ENO3: variants seen among roughly 807,000 people sequenced by gnomAD.
The protein encoded by ENO3 is enolase 3.
Under a neutral mutation model 47.7 loss-of-function variants are expected in ENO3, and 46 were observed. The observed-to-expected ratio is 0.96, with a 90% CI of 0.76 to 1.23. ENO3 has a LOEUF of 1.23. ENO3 is among the 50% of genes most tolerant of loss of function. ENO3 has a pLI of 0.00. For synonymous variants in ENO3, 223 were observed against 225.9 expected (o/e 0.99, Z 0.11); for missense variants, 575 against 566.2 (o/e 1.02, Z -0.16).
chr17:4,951,213 A>AG, intron 1 of ENO3, 31 bp downstream of exon 1: 1 of 991,392 alleles, frequency 1.0e-6, no homozygotes, highest in Middle Eastern at 5.2e-4. Flanking sequence ...CTGGGGGTGG[A>AG]GGTAGTAAAG....
At position 4,953,707 on chromosome 17, in the gene ENO3, T is replaced by C; in HGVS notation, c.311-5T>C. Reference sequence around the variant, plus strand: ...CATCCTTTCTTCCCGCTTGCCTCCTTCCAGCCAAGTTTGGGGCCAATGCCA... The same window carrying C: ...CATCCTTTCTTCCCGCTTGCCTCCTCCCAGCCAAGTTTGGGGCCAATGCCA... On this transcript the variant is annotated splice_region_variant and splice_polypyrimidine_tract_variant and intron_variant, in intron 5 of 11. Transcript: ENST00000519602. 6.2e-7 allele frequency: 1 copy of C among 1,614,220 alleles called. No homozygotes were observed. The highest frequency in any genetic ancestry group is 8.5e-7 in the Non-Finnish European group (1 of 1,180,032).
In ENO3 at chr17:4,952,866, G is replaced by A; in HGVS notation, c.157G>A (p.Asp53Asn). 6.2e-7 allele frequency: 1 copy of A among 1,612,566 alleles called. No individual in the cohort carries two copies. Among genetic ancestry groups the A allele is most frequent in the African/African-American group, 1.3e-5 (1 of 75,032 alleles). The change falls in exon 3 of 12, where the codon GAC becomes AAC. Residue 53 changes from aspartate to asparagine, a missense_variant. Physicochemically the swap from Asp to Asn is conservative, Grantham distance 23 (BLOSUM62 1). Coordinates refer to ENST00000519602, the MANE Select transcript of ENO3 (RefSeq NM_053013.4). Reference protein sequence around the residue: ...IYEALELRDGDKGRYLGKGVL... With the variant: ...IYEALELRDGNKGRYLGKGVL... ...TGAGGCTCTGGAACTAAGAGACGGA[G>A]ACAAAGGCCGCTACCTGGGGAAAGG...
chr17:4,956,007 G>A lies in ENO3; in HGVS notation c.931G>A (p.Val311Met), dbSNP rs1233977786. The change falls in exon 9 of 12, where the codon GTG (valine) becomes ATG (methionine). Residue 311 changes from valine to methionine, a missense_variant. Coordinates refer to ENST00000519602, the MANE Select transcript of ENO3 (RefSeq NM_053013.4). Reference sequence around the variant, plus strand: ...CACTTGGACCTCCTTCCTCTCGGGGGTGAACATCCAGATTGTGGGGGATGA... The same window carrying A: ...CACTTGGACCTCCTTCCTCTCGGGGATGAACATCCAGATTGTGGGGGATGA... ...WATWTSFLSG[V>M]NIQIVGDDLT... is the part of the protein sequence containing the mutation. 3 of 1,614,012 alleles carry A rather than the reference G, an allele frequency of 1.9e-6. No individual in the cohort carries two copies. The highest frequency in any genetic ancestry group is 1.7e-6 in the Non-Finnish European group (2 of 1,180,000).
chr17:4,955,379 C>G, intron 7 of ENO3, 28 bp from the exon 8 acceptor site: 2 of 1,614,246 alleles, frequency 1.2e-6, no homozygotes, highest in Non-Finnish European at 1.7e-6. Flanking sequence ...GCACTGGAGT[C>G]TCAGGTCCTT....
chr17:4,951,439 T>C (rs1314844240), intron 1 of ENO3, among the ~76,000 whole-genome samples: 3 of 151,966 alleles, frequency 2.0e-5, no homozygotes, highest in South Asian at 2.1e-4. Flanking sequence ...TGATAGGGAA[T>C]TGGGGGCCCA....
At chr17:4,953,674 G>A (rs1033471122) in intron 5 of ENO3, 38 bp from the exon 6 acceptor site, 1 of 1,614,220 alleles carries the variant, frequency 6.2e-7, no homozygotes, top group Non-Finnish European at 8.5e-7. Flanking sequence ...AAACCCTGCA[G>A]AAGCTCTCAT....
intron 6 of ENO3, chr17:4,954,139 T>C (rs1166859259): frequency 2.0e-6 from 1 of 496,720 alleles, no homozygotes; most frequent in Non-Finnish European, 3.6e-6. Flanking sequence ...CCAAATCATA[T>C]TGAGAGTTTC....
chr17:4,949,984 A>G (rs1401280931), upstream of ENO3, among the ~76,000 whole-genome samples: 1 of 144,278 alleles, frequency 6.9e-6, no homozygotes, highest in Non-Finnish European at 1.5e-5. Context: ...GCGGCCTGAG[A>G]TGAGGGGGCG....
chr17:4,952,960 G>A, intron 3 of ENO3, 70 bp downstream of exon 3: 2 of 1,610,688 alleles, frequency 1.2e-6, no homozygotes, highest in Non-Finnish European at 8.5e-7. Context: ...ATGGGTAGAG[G>A]ACTGGAACCC....
At chr17:4,949,643 C>G (rs1315184876), upstream of ENO3, among the ~76,000 whole-genome samples, 1 of 152,052 alleles carries the variant, frequency 6.6e-6, no homozygotes, top group Admixed American at 6.5e-5. Flanking sequence ...CGTGCGGCGG[C>G]CGCGGTGAAA....
Position 4,951,833 on chromosome 17 carries a change from G to C in ENO3, c.4G>C (p.Ala2Pro). 1 of 1,614,094 alleles carries C rather than the reference G, an allele frequency of 6.2e-7. No homozygotes were observed. Among genetic ancestry groups the C allele is most frequent in the South Asian group, 1.1e-5 (1 of 91,088 alleles). Reference sequence around the variant, plus strand: ...TCACACCTCCTGTCCTGCAGCCATGGCCATGCAGAAAATCTTTGCCCGGGA... The same window carrying C: ...TCACACCTCCTGTCCTGCAGCCATGCCCATGCAGAAAATCTTTGCCCGGGA... M[A>P]MQKIFAREIL... The change falls in exon 2 of 12, where the codon GCC becomes CCC. Residue 2 changes from alanine to proline, a missense_variant. By Grantham distance (27) the Ala-to-Pro change is conservative (BLOSUM62 -1). Transcript: ENST00000519602.
intron 5 of ENO3, among the ~76,000 whole-genome samples, 161 bp from the exon 6 acceptor site, chr17:4,953,551 T>TC (rs1334767306): frequency 1.3e-5 from 2 of 152,286 alleles, no homozygotes; most frequent in African/African-American, 2.4e-5. Flanking sequence ...GCTGACACAT[T>TC]CCCCCGGGGT....
intron 2 of ENO3, 126 bp downstream of exon 2, chr17:4,952,040 C>T (rs1319788045): frequency 5.7e-6 from 6 of 1,045,954 alleles, no homozygotes; most frequent in Non-Finnish European, 8.7e-6. Context: ...TTCCCAAGCC[C>T]CCTTCTTCCA....
In ENO3 at chr17:4,953,752, C is replaced by T. The variant is rs761903788; in HGVS notation, c.351C>T (p.Ala117=). The part of the protein sequence containing the change: ...GANAILGVSL[A]VCKAGAAEKG... ...ATGCCATCCTGGGCGTGTCCTTGGC[C>T]GTGTGTAAGGCGGGAGCAGCTGAGA... is the stretch of plus-strand genomic sequence containing the variant. Residue 117 remains alanine, a synonymous_variant, in exon 6 of 12, where the codon GCC becomes GCT. Coordinates refer to ENST00000519602, the MANE Select transcript of ENO3 (RefSeq NM_053013.4). 34 of 1,614,092 alleles carry T rather than the reference C, an allele frequency of 2.1e-5. 1 individual carries two copies. The East Asian group carries it at 6.5e-4, about 31-fold the overall frequency.
At position 4,957,069 on chromosome 17, in the gene ENO3, C is replaced by A; in HGVS notation, c.*22C>A. ...GTGAGAAGCTGGAGGCTCCAGGACTCCACTGGACAGACCCAGGTCTTCCAG... is the reference window on the plus strand; with the variant it reads ...GTGAGAAGCTGGAGGCTCCAGGACTACACTGGACAGACCCAGGTCTTCCAG... On this transcript the variant is annotated 3_prime_UTR_variant, in exon 12 of 12. Coordinates refer to ENST00000519602, the MANE Select transcript of ENO3 (RefSeq NM_053013.4). 6.2e-7 allele frequency: 1 copy of A among 1,613,750 alleles called. No homozygotes were observed. The highest frequency in any genetic ancestry group is 1.1e-5 in the South Asian group (1 of 91,052).
rs1567672818 is a variant in ENO3 at position 4,955,525 on chromosome 17, G to T, written c.786G>T (p.Lys262Asn). 1.2e-6 allele frequency: 2 copies of T among 1,614,230 alleles called. No homozygotes were observed. Among genetic ancestry groups the T allele is most frequent in the South Asian group, 2.2e-5 (2 of 91,078 alleles). The change falls in exon 8 of 12, where the codon AAG (lysine) becomes AAT (asparagine). Residue 262 changes from lysine to asparagine, a missense_variant. By Grantham distance (94) the Lys-to-Asn change is moderately conservative. Coordinates refer to ENST00000519602, the MANE Select transcript of ENO3 (RefSeq NM_053013.4). Reference sequence around the variant, plus strand: ...ATGGGAAGTACGATCTTGACTTCAAGTCGCCTGATGATCCCGCACGGCACA... The same window carrying T: ...ATGGGAAGTACGATCTTGACTTCAATTCGCCTGATGATCCCGCACGGCACA... ...YRNGKYDLDFKSPDDPARHIT... is the reference protein window; with the variant it reads ...YRNGKYDLDFNSPDDPARHIT...
upstream of ENO3, chr17:4,950,749 C>G: frequency 2.2e-6 from 2 of 890,892 alleles, no homozygotes; most frequent in African/African-American, 1.8e-5. Flanking sequence ...CTTCCAGGCC[C>G]CCTCCCCAGC....
chr17:4,954,146 T>C (rs1043697600), intron 6 of ENO3: 5 of 483,500 alleles, frequency 1.0e-5, no homozygotes, highest in African/African-American at 9.7e-5. Context: ...ATATTGAGAG[T>C]TTCTTTGAGG....
rs1286093594 is a variant in ENO3, at chr17:4,955,223, C to T, written c.593C>T (p.Ala198Val). The T allele has an allele frequency of 6.2e-7, 1 of 1,614,148 alleles. No homozygotes were observed. The highest frequency in any genetic ancestry group is 8.5e-7 in the Non-Finnish European group (1 of 1,180,060). Residue 198 changes from alanine (A) to valine (V), a missense_variant, in exon 7 of 12, where the codon GCC (alanine) becomes GTC (valine). Ala to Val is a moderately conservative substitution (Grantham distance 64). Coordinates refer to ENST00000519602, the MANE Select transcript of ENO3 (RefSeq NM_053013.4). ...VYHHLKGVIKAKYGKDATNVG... is the reference protein window; with the variant it reads ...VYHHLKGVIKVKYGKDATNVG... ...CACCACCTCAAGGGGGTCATCAAGG[C>T]CAAGTATGGGAAGGATGCCACCAAT...
Sources: allele counts gnomAD v4.1 joint callset (sites outside exome capture counted in the v4.1 genomes callset), GRCh38; gene constraint gnomAD v4.1.1; transcripts MANE v1.5; gene names NCBI Gene and HGNC (gene_info 2026-07-23, HGNC 2026-07-21).